UBE2E2: variants seen among roughly 807,000 people sequenced by gnomAD.
UBE2E2 encodes the protein ubiquitin-conjugating enzyme E2 E2.
A neutral mutation model predicts 24.7 loss-of-function variants in UBE2E2; 6 were observed. The ratio of observed to expected loss-of-function variants is 0.24; its 90% CI spans 0.13 to 0.48. The LOEUF is 0.48. Ranked by LOEUF, UBE2E2 falls within the 20% of genes least tolerant of loss-of-function variation. The pLI is 0.99. For missense variants in UBE2E2, 169 were observed against 245.0 expected (o/e 0.69, Z 2.07); for synonymous variants, 104 against 83.6 (o/e 1.24, Z -1.33).
chr3:23,421,521 C>G (rs2125391561), intron 3 of UBE2E2, among the ~76,000 whole-genome samples: 1 of 152,332 alleles, frequency 6.6e-6, no homozygotes, highest in Non-Finnish European at 1.5e-5. Flanking sequence ...ATTCTCCTGT[C>G]CCAGCCTCCC....
At chr3:23,327,003 T>G (rs973901295) in intron 3 of UBE2E2, among the ~76,000 whole-genome samples, 1 of 152,248 alleles carries the variant, frequency 6.6e-6, no homozygotes, top group African/African-American at 2.4e-5. Flanking sequence ...GGACATGAAC[T>G]CATCCTTTTT....
chr3:23,244,814 T>G (rs1000740741), intron 3 of UBE2E2, among the ~76,000 whole-genome samples: 6 of 152,304 alleles, frequency 3.9e-5, no homozygotes. Context: ...TCTGAAATAC[T>G]TTGAGCTCTT....
intron 3 of UBE2E2, among the ~76,000 whole-genome samples, chr3:23,266,094 G>T (rs575330152): frequency 2.5e-4 from 38 of 152,244 alleles, no homozygotes; most frequent in East Asian, 5.8e-4. Context: ...TCTTGACTCT[G>T]TATCCAATTT....
intron 3 of UBE2E2, among the ~76,000 whole-genome samples, chr3:23,466,371 G>A (rs1331823834): frequency 3.9e-5 from 6 of 152,108 alleles, no homozygotes; most frequent in East Asian, 3.9e-4. Flanking sequence ...ACAGTGCAGC[G>A]TCCTGTATGA....
At position 23,591,416 on chromosome 3, in the gene UBE2E2, GA is replaced by G. The variant is rs1267775185; in HGVS notation, c.*1589del. ...TTAACTAGTTAAAAATAAATCCTAA[GA>G]AAATATATTTAAATATTGCAAATGC... is the stretch of plus-strand genomic sequence containing the variant. On this transcript the variant is annotated 3_prime_UTR_variant, in exon 6 of 6. Coordinates refer to ENST00000396703, the MANE Select transcript of UBE2E2 (RefSeq NM_152653.4). The G allele has an allele frequency of 6.6e-6, 1 of 152,140 alleles. No individual in the cohort carries two copies. The highest frequency in any genetic ancestry group is 2.4e-5 in the African/African-American group (1 of 41,420). 9.4% of individuals were successfully genotyped at this position (152,140 alleles called of 1,614,324 possible).
intron 3 of UBE2E2, among the ~76,000 whole-genome samples, chr3:23,427,130 AAG>A (rs1697945195): frequency 6.6e-6 from 1 of 151,974 alleles, no homozygotes; most frequent in Non-Finnish European, 1.5e-5. Context: ...CAAAAAGTTA[AAG>A]AAGTATGGCC....
intron 3 of UBE2E2, among the ~76,000 whole-genome samples, chr3:23,361,344 A>T (rs947714878): frequency 6.6e-6 from 1 of 152,050 alleles, no homozygotes; most frequent in Non-Finnish European, 1.5e-5. Context: ...CCCAAAGGAA[A>T]ATAAGTCATT....
intron 5 of UBE2E2, among the ~76,000 whole-genome samples, chr3:23,564,543 C>A (rs774702297): frequency 5.9e-5 from 9 of 152,124 alleles, no homozygotes; most frequent in Non-Finnish European, 1.0e-4. Context: ...ACCACACAAG[C>A]ATTTTAAAAT....
At chr3:23,226,535 C>T (rs149380847) in intron 3 of UBE2E2, among the ~76,000 whole-genome samples, 9 of 151,822 alleles carry the variant, frequency 5.9e-5, no homozygotes, top group East Asian at 3.9e-4. Context: ...CCACTGCGCC[C>T]GGCCAGGAAA....
chr3:23,428,674 C>T (rs1697985221), intron 3 of UBE2E2, among the ~76,000 whole-genome samples: 1 of 151,844 alleles, frequency 6.6e-6, no homozygotes, highest in South Asian at 2.1e-4. Flanking sequence ...ACGTTACTAA[C>T]ATCAGAAACA....
chr3:23,368,384 A>T (rs1696314788), intron 3 of UBE2E2, among the ~76,000 whole-genome samples: 1 of 152,162 alleles, frequency 6.6e-6, no homozygotes, highest in African/African-American at 2.4e-5. Flanking sequence ...ACCTGACTTC[A>T]TGGATAAAGA....
chr3:23,238,297 G>A (rs886130036), intron 3 of UBE2E2, among the ~76,000 whole-genome samples: 4 of 152,052 alleles, frequency 2.6e-5, no homozygotes, highest in South Asian at 4.1e-4. Context: ...CACAAGATCC[G>A]CCACTGTGAA....
intron 3 of UBE2E2, among the ~76,000 whole-genome samples, chr3:23,402,222 A>G (rs1325840833): frequency 6.6e-6 from 1 of 152,128 alleles, no homozygotes; most frequent in East Asian, 1.9e-4. Flanking sequence ...AGTTAATTAC[A>G]CTATCTTTGT....
intron 3 of UBE2E2, among the ~76,000 whole-genome samples, chr3:23,349,302 T>A (rs1026147192): frequency 2.6e-5 from 4 of 151,866 alleles, no homozygotes; most frequent in African/African-American, 9.7e-5. Flanking sequence ...CCAGCGTGAG[T>A]GACGCAGAAG....
intron 3 of UBE2E2, among the ~76,000 whole-genome samples, chr3:23,275,417 A>G (rs748234327): frequency 6.6e-6 from 1 of 152,200 alleles, no homozygotes; most frequent in Non-Finnish European, 1.5e-5. Context: ...GAGGTGTTAC[A>G]GTAGATTGAC....
chr3:23,333,077 T>G (rs928090365), intron 3 of UBE2E2, among the ~76,000 whole-genome samples: 7 of 152,172 alleles, frequency 4.6e-5, no homozygotes, highest in Admixed American at 4.6e-4. Flanking sequence ...GATATCTCTA[T>G]ATTGGTTCTG....
intron 3 of UBE2E2, among the ~76,000 whole-genome samples, chr3:23,225,331 T>A (rs1696790439): frequency 6.6e-6 from 1 of 152,166 alleles, no homozygotes; most frequent in Non-Finnish European, 1.5e-5. Context: ...TTTTCTTTTG[T>A]TGTTTGTGCA....
intron 3 of UBE2E2, among the ~76,000 whole-genome samples, chr3:23,370,391 A>G (rs1343757266): frequency 6.6e-6 from 1 of 152,210 alleles, no homozygotes; most frequent in African/African-American, 2.4e-5. Context: ...TTGATTAACT[A>G]GAGATAGTAA....
intron 3 of UBE2E2, among the ~76,000 whole-genome samples, chr3:23,256,900 G>A (rs1378099086): frequency 6.6e-6 from 1 of 152,138 alleles, no homozygotes; most frequent in African/African-American, 2.4e-5. Flanking sequence ...TGAGTAATAT[G>A]CAGTCTGTTT....
Sources: allele counts gnomAD v4.1 joint callset (sites outside exome capture counted in the v4.1 genomes callset), GRCh38; gene constraint gnomAD v4.1.1; transcripts MANE v1.5; gene names NCBI Gene and HGNC (gene_info 2026-07-23, HGNC 2026-07-21).